Variants in SUGCT observed in about 807,000 individuals in gnomAD.
SUGCT encodes the protein succinyl-CoA:glutarate-CoA transferase.
In SUGCT, 41 loss-of-function variants were observed where a neutral mutation model predicts 55.0. The observed-to-expected ratio is 0.74, with a 90% CI of 0.58 to 0.97. The LOEUF (loss-of-function observed/expected upper bound fraction) is 0.97, where lower values mean the gene tolerates loss of function less well. Among genes scored for constraint, SUGCT ranks in the 50% least tolerant of loss-of-function variants. The pLI, the probability that SUGCT is intolerant of heterozygous loss-of-function variation, is 0.00. For missense variants in SUGCT, 568 were observed against 547.8 expected, an observed-to-expected ratio of 1.04 and a Z score of -0.37; for synonymous variants, 187 against 200.4, an observed-to-expected ratio of 0.93 and a Z score of 0.56.
the SUGCT span, among the ~76,000 whole-genome samples, chr7:40,866,687 G>A: frequency 2.0e-5 from 3 of 151,706 alleles, no homozygotes; most frequent in East Asian, 1.9e-4. Flanking sequence ...CCAAGCCCAC[G>A]TTTCCCATAT....
chr7:40,608,715 T>C (rs1326325905), intron 12 of SUGCT, among the ~76,000 whole-genome samples: 2 of 152,222 alleles, frequency 1.3e-5, no homozygotes, highest in African/African-American at 4.8e-5. Flanking sequence ...CTCAATTATG[T>C]CCTTTTGTAC....
chr7:40,939,353 G>T, the SUGCT span, among the ~76,000 whole-genome samples: 3 of 152,118 alleles, frequency 2.0e-5, no homozygotes, highest in African/African-American at 7.2e-5. Context: ...GGAATTATGG[G>T]TGTAGAATTC....
At chr7:40,642,951 C>G (rs964205256) in intron 12 of SUGCT, among the ~76,000 whole-genome samples, 1 of 152,060 alleles carries the variant, frequency 6.6e-6, no homozygotes, top group Non-Finnish European at 1.5e-5. Flanking sequence ...GGCAAAAAAA[C>G]AAAAACAAAA....
At chr7:40,946,427 G>T in the SUGCT span, among the ~76,000 whole-genome samples, 5 of 152,136 alleles carry the variant, frequency 3.3e-5, no homozygotes, top group Non-Finnish European at 7.3e-5. Context: ...TAGCCACTGG[G>T]GTAATGTTCC....
At chr7:40,230,013 G>A (rs2150855382) in intron 6 of SUGCT, among the ~76,000 whole-genome samples, 1 of 152,292 alleles carries the variant, frequency 6.6e-6, no homozygotes, top group Non-Finnish European at 1.5e-5. Context: ...TGGAGTTTCT[G>A]TAGTTGCTTA....
chr7:40,504,631 A>G (rs536708252), intron 12 of SUGCT, among the ~76,000 whole-genome samples: 2 of 152,114 alleles, frequency 1.3e-5, no homozygotes, highest in Non-Finnish European at 1.5e-5. Context: ...ACAGGGTTTC[A>G]CCATGTTGGC....
chr7:40,917,253 C>T, the SUGCT span, among the ~76,000 whole-genome samples: 2 of 152,194 alleles, frequency 1.3e-5, no homozygotes, highest in Non-Finnish European at 2.9e-5. Flanking sequence ...AATGACCTTA[C>T]AATGTTTTCT....
intron 9 of SUGCT, among the ~76,000 whole-genome samples, chr7:40,375,605 T>G (rs1469578089): frequency 1.3e-5 from 2 of 152,318 alleles, no homozygotes; most frequent in South Asian, 2.1e-4. Flanking sequence ...AGCACAACTA[T>G]CCCTCATTTG....
chr7:40,718,120 CA>C (rs539407047), intron 12 of SUGCT, among the ~76,000 whole-genome samples: 86 of 152,214 alleles, frequency 5.6e-4, no homozygotes, highest in African/African-American at 2.0e-3. Flanking sequence ...TCATTTGTAT[CA>C]AATCATATTT....
chr7:40,598,200 G>A (rs762190877), intron 12 of SUGCT, among the ~76,000 whole-genome samples: 13 of 152,134 alleles, frequency 8.5e-5, no homozygotes, highest in Admixed American at 3.3e-4. Flanking sequence ...TTAAAGCGCA[G>A]CAGTGTGAAA....
At chr7:40,411,254 A>G (rs959583234) in intron 9 of SUGCT, among the ~76,000 whole-genome samples, 3 of 152,088 alleles carry the variant, frequency 2.0e-5, no homozygotes. Flanking sequence ...TTAGTTGATC[A>G]TGGTGGCACA....
intron 12 of SUGCT, among the ~76,000 whole-genome samples, chr7:40,731,939 G>C (rs1786907759): frequency 6.6e-6 from 1 of 152,124 alleles, no homozygotes; most frequent in African/African-American, 2.4e-5. Flanking sequence ...AAATGGAGGG[G>C]TTATTTGTTT....
chr7:40,274,259 A>C (rs186104238), intron 7 of SUGCT, among the ~76,000 whole-genome samples: 1 of 151,844 alleles, frequency 6.6e-6, no homozygotes, highest in African/African-American at 2.4e-5. Flanking sequence ...TTTCTAAAAA[A>C]TCTTTTATTT....
In SUGCT at chr7:40,666,393, A is replaced by AGG. The variant is rs70990636; in HGVS notation, c.1090-83041_1090-83040insGG. Among the ~76,000 whole-genome samples the AGG allele has an allele frequency of 1.3e-3, 198 of 148,762 alleles. 1 individual carries two copies. Among genetic ancestry groups the AGG allele is most frequent in the African/African-American group, 4.6e-3 (186 of 40,068 alleles). The stretch of plus-strand genomic sequence containing the variant: ...AAGGAAGGAAGGAAGGAAGGAAGGA[A>AGG]AGAAAGAAAGTAGGGTTATAGGTTA... On this transcript the variant is annotated intron_variant, in intron 12 of 13. Transcript: ENST00000335693.
chr7:40,256,210 CT>C (rs916826015), intron 7 of SUGCT, among the ~76,000 whole-genome samples: 2 of 152,200 alleles, frequency 1.3e-5, no homozygotes, highest in African/African-American at 4.8e-5. Context: ...TTTAGAATTT[CT>C]TTTCCCCTGA....
intron 13 of SUGCT, among the ~76,000 whole-genome samples, chr7:40,763,037 G>A (rs1788612402): frequency 6.6e-6 from 1 of 151,936 alleles, no homozygotes. Flanking sequence ...GGCTGGTCAT[G>A]AACTCCTGAC....
intron 1 of SUGCT, among the ~76,000 whole-genome samples, chr7:40,165,279 G>A (rs1784364467): frequency 6.6e-6 from 1 of 152,058 alleles, no homozygotes; most frequent in South Asian, 2.1e-4. Context: ...TAGTATGGGT[G>A]GGAAGGGATG....
intron 12 of SUGCT, among the ~76,000 whole-genome samples, chr7:40,660,183 AT>A (rs1480740621): frequency 6.6e-6 from 1 of 152,204 alleles, no homozygotes; most frequent in Non-Finnish European, 1.5e-5. Flanking sequence ...GCTCTCCCAT[AT>A]TCAATATGAG....
chr7:40,160,126 C>T (rs76431925), intron 1 of SUGCT, among the ~76,000 whole-genome samples: 5,692 of 152,254 alleles, frequency 0.037, 340 homozygotes, highest in African/African-American at 0.13. Flanking sequence ...GCTCTGTATA[C>T]AACCAGATGG....
Sources: allele counts gnomAD v4.1 joint callset (sites outside exome capture counted in the v4.1 genomes callset), GRCh38; gene constraint gnomAD v4.1.1; transcripts MANE v1.5; gene names NCBI Gene and HGNC (gene_info 2026-07-23, HGNC 2026-07-21).